The following STK3 variants were observed in gnomAD, a reference collection of about 807,000 sequenced individuals.
STK3 encodes the protein serine/threonine-protein kinase 3.
Under a neutral mutation model 58.0 loss-of-function variants are expected in STK3, and 41 were observed. That is an observed-to-expected ratio of 0.71 (90% CI 0.55 to 0.92). The LOEUF is 0.92. Among genes scored for constraint, STK3 ranks in the 40% least tolerant of loss-of-function variants. STK3 has a pLI of 0.00. For synonymous variants in STK3, 170 were observed against 191.0 expected (o/e 0.89, Z 0.91); for missense variants, 479 against 602.7 (o/e 0.79, Z 2.15).
chr8:98,593,649 G>A lies in STK3; in HGVS notation c.822+2383C>T, dbSNP rs536067725. ...GGGATCCAAGTTGCATGCTCCTTAT[G>A]AGAATCTAACTAATGCCTAATGATC... On this transcript the variant is annotated intron_variant, in intron 7 of 10. Transcript: ENST00000419617. Among the ~76,000 whole-genome samples, 5 of 152,290 alleles carry A rather than the reference G, an allele frequency of 3.3e-5. No individual in the cohort carries two copies. In the South Asian group the frequency reaches 8.3e-4, roughly 25 times the overall value.
intron 3 of STK3, among the ~76,000 whole-genome samples, chr8:98,878,060 CTT>C (rs59671452): frequency 3.2e-4 from 44 of 138,034 alleles, no homozygotes; most frequent in Admixed American, 3.7e-4. Context: ...AAAAGAAAAT[CTT>C]TTTTTTTTTT....
chr8:98,519,651 A>T (rs983551904), intron 10 of STK3, among the ~76,000 whole-genome samples: 1 of 152,136 alleles, frequency 6.6e-6, no homozygotes, highest in African/African-American at 2.4e-5. Context: ...CAACAAAGGT[A>T]GGACTGCGGA....
intron 10 of STK3, among the ~76,000 whole-genome samples, chr8:98,485,753 G>A (rs752150556): frequency 5.9e-5 from 9 of 152,272 alleles, no homozygotes; most frequent in East Asian, 1.9e-4. Context: ...ACTAGAGTTC[G>A]GGGGCACAGA....
intron 4 of STK3, among the ~76,000 whole-genome samples, chr8:98,746,606 C>G (rs1025020451): frequency 1.3e-5 from 2 of 152,012 alleles, no homozygotes; most frequent in African/African-American, 4.8e-5. Context: ...GAGCAAGACC[C>G]TGTCTCAAAA....
intron 6 of STK3, among the ~76,000 whole-genome samples, chr8:98,619,773 C>T (rs1215734657): frequency 1.4e-5 from 2 of 146,246 alleles, no homozygotes; most frequent in African/African-American, 5.1e-5. Flanking sequence ...GAGATACCAT[C>T]TCACACCAGT....
At chr8:98,784,061 CA>C (rs1469964129) in intron 1 of STK3, among the ~76,000 whole-genome samples, 3 of 152,178 alleles carry the variant, frequency 2.0e-5, no homozygotes, top group Non-Finnish European at 4.4e-5. Flanking sequence ...CAACCCAGGT[CA>C]AGAAAGAGCA....
chr8:98,377,775 G>A (rs1230585705), intron 2 of STK3, among the ~76,000 whole-genome samples: 5 of 152,138 alleles, frequency 3.3e-5, no homozygotes, highest in African/African-American at 9.7e-5. Context: ...GTAATCAGCA[G>A]GGACATGGAC....
At chr8:98,526,290 C>T (rs1825738284) in intron 10 of STK3, 1 of 152,004 alleles carries the variant, frequency 6.6e-6, no homozygotes, top group Admixed American at 6.6e-5. Flanking sequence ...TTCTGAGAAA[C>T]CAAGTGGAAT....
intron 3 of STK3, chr8:98,426,963 G>A (rs1417406513): frequency 6.6e-6 from 1 of 150,904 alleles, no homozygotes; most frequent in African/African-American, 2.4e-5. Flanking sequence ...CAGCACCACC[G>A]CGCCGCGCCC....
At chr8:98,820,781 T>C (rs929106442) in intron 1 of STK3, among the ~76,000 whole-genome samples, 1 of 152,060 alleles carries the variant, frequency 6.6e-6, no homozygotes, top group Admixed American at 6.5e-5. Flanking sequence ...ATCGAGACCA[T>C]CCTGGCTAAC....
In STK3 at chr8:98,455,493, G is replaced by A. The variant is rs1819426344; in HGVS notation, c.*349C>T. On this transcript the variant is annotated 3_prime_UTR_variant, in exon 11 of 11. Coordinates refer to ENST00000419617, the MANE Select transcript of STK3 (RefSeq NM_006281.4). The stretch of plus-strand genomic sequence containing the variant: ...GCCTAGTATACTAGATAGGAATAAA[G>A]AATATTGTAACATAAAGCCCTTCAG... 1 of 204,678 alleles carries A rather than the reference G, an allele frequency of 4.9e-6. No individual in the cohort carries two copies. Among genetic ancestry groups the A allele is most frequent in the Non-Finnish European group, 9.7e-6 (1 of 102,762 alleles). The allele number at this position is 204,678 out of a possible 1,614,324, so 12.7% of individuals were successfully genotyped here.
chr8:98,617,980 T>C (rs1387508227), intron 6 of STK3, among the ~76,000 whole-genome samples: 1 of 152,134 alleles, frequency 6.6e-6, no homozygotes, highest in Non-Finnish European at 1.5e-5. Context: ...AGCATCATTC[T>C]GATACCAAAG....
downstream of STK3, among the ~76,000 whole-genome samples, chr8:98,398,415 C>T (rs1284527723): frequency 6.6e-6 from 1 of 152,178 alleles, no homozygotes; most frequent in East Asian, 1.9e-4. Context: ...ACCCCTCAGT[C>T]CCGAGCAAAC....
chr8:98,662,042 T>C (rs1274702712), intron 6 of STK3, among the ~76,000 whole-genome samples: 1 of 152,132 alleles, frequency 6.6e-6, no homozygotes, highest in African/African-American at 2.4e-5. Context: ...CTTACTCCTA[T>C]TTTTTGTCCC....
chr8:98,606,155 T>A (rs1816758745), intron 6 of STK3: 1 of 152,206 alleles, frequency 6.6e-6, no homozygotes, highest in Non-Finnish European at 1.5e-5. Flanking sequence ...TTGAAGAAGC[T>A]GTTATCTCCA....
intron 1 of STK3, among the ~76,000 whole-genome samples, chr8:98,887,444 AATACTCAACCTGTATTTTT>A (rs1838033706): frequency 6.6e-6 from 1 of 152,236 alleles, no homozygotes; most frequent in South Asian, 2.1e-4. Context: ...TTGGATAATT[AATACTCAACCTGTATTTTT>A]GCAACTTTCT....
At chr8:98,765,004 G>A (rs1338856520) in intron 3 of STK3, among the ~76,000 whole-genome samples, 1 of 152,180 alleles carries the variant, frequency 6.6e-6, no homozygotes, top group Non-Finnish European at 1.5e-5. Context: ...TGGGTTGGAG[G>A]AGGCAAACAA....
intron 10 of STK3, among the ~76,000 whole-genome samples, chr8:98,484,720 T>TA (rs1563651691): frequency 1.3e-5 from 2 of 152,044 alleles, no homozygotes; most frequent in Non-Finnish European, 2.9e-5. Flanking sequence ...GTGCAGTTAA[T>TA]AAGGATTAGA....
intron 8 of STK3, among the ~76,000 whole-genome samples, chr8:98,572,024 C>A (rs1341340480): frequency 6.6e-6 from 1 of 152,156 alleles, no homozygotes; most frequent in East Asian, 1.9e-4. Context: ...AAATCATCAT[C>A]CAATGTACCA....
Sources: gnomAD v4.1 joint callset for allele counts (sites outside exome capture counted in the v4.1 genomes callset) on GRCh38, gnomAD v4.1.1 for gene constraint, MANE v1.5 for transcripts, NCBI Gene and HGNC (gene_info 2026-07-23, HGNC 2026-07-21) for gene names.